Variants in PARP1 observed in about 807,000 individuals in gnomAD.
The protein encoded by PARP1 is poly(ADP-ribose) polymerase 1.
Under a neutral mutation model 118.7 loss-of-function variants are expected in PARP1, and 44 were observed. That is an observed-to-expected ratio of 0.37 (90% confidence interval 0.29 to 0.48). PARP1 has a LOEUF of 0.48. Ranked by LOEUF, PARP1 falls within the 20% of genes least tolerant of loss-of-function variation. The pLI, the probability that PARP1 is intolerant of heterozygous loss-of-function variation, is 0.99. For synonymous variants in PARP1, 492 were observed against 483.2 expected, an observed-to-expected ratio of 1.02 and a Z score of -0.24; for missense variants, 1,100 against 1,272.4, an observed-to-expected ratio of 0.86 and a Z score of 2.06.
intron 13 of PARP1, 108 bp from the exon 14 acceptor site, chr1:226,374,462 C>T: frequency 7.5e-7 from 1 of 1,334,692 alleles, no homozygotes; most frequent in Non-Finnish European, 1.1e-6. Flanking sequence ...AGAGTGCCAC[C>T]AGCAAAAAAA....
chr1:226,385,751 A>G, intron 6 of PARP1, 71 bp from the exon 7 acceptor site: 2 of 1,365,466 alleles, frequency 1.5e-6, no homozygotes, highest in South Asian at 2.3e-5. Flanking sequence ...CTAATGTGGG[A>G]TGGAGGAACT....
intron 8 of PARP1, 111 bp from the exon 9 acceptor site, chr1:226,381,319 T>C: frequency 8.0e-7 from 1 of 1,254,796 alleles, no homozygotes; most frequent in Non-Finnish European, 1.2e-6. Context: ...GAAAAGCCTA[T>C]GAAAATACAC....
chr1:226,361,087 A>T lies in PARP1; in HGVS notation c.*373T>A, dbSNP rs992929051. 2 of 270,688 alleles carry T rather than the reference A, an allele frequency of 7.4e-6. No individual in the cohort carries two copies. The highest frequency in any genetic ancestry group is 1.4e-5 in the Non-Finnish European group (2 of 141,170). The allele number at this position is 270,688 out of a possible 1,614,324, so 16.8% of individuals were successfully genotyped here. A position where few individuals can be genotyped will look rare whatever the true frequency, so the allele number is the denominator to read the frequency against. ...CAAAACTAAAGACGAACACTTAGAAAAAAGGGTGGAAGTGTATTTTTCCTT... is the reference window on the plus strand; with the variant it reads ...CAAAACTAAAGACGAACACTTAGAATAAAGGGTGGAAGTGTATTTTTCCTT... On this transcript the variant is annotated 3_prime_UTR_variant, in exon 23 of 23. Transcript: ENST00000366794.
chr1:226,385,511 G>T lies in PARP1; in HGVS notation c.1004C>A (p.Thr335Asn). 1 of 1,614,018 alleles carries T rather than the reference G, an allele frequency of 6.2e-7. No individual in the cohort carries two copies. Among genetic ancestry groups the T allele is most frequent in the Non-Finnish European group, 8.5e-7 (1 of 1,179,952 alleles). ...TQTPNRKEWV[T>N]PKEFREISYL... ...TCTTCCCCTACCCCTTACCTTTGGGGTTACCCACTCCTTCCGGTTGGGTGT... is the reference window on the plus strand; with the variant it reads ...TCTTCCCCTACCCCTTACCTTTGGGTTTACCCACTCCTTCCGGTTGGGTGT... The change falls in exon 7 of 23, where the codon ACC becomes AAC. Residue 335 changes from threonine to asparagine, a missense_variant. Coordinates refer to ENST00000366794, the MANE Select transcript of PARP1 (RefSeq NM_001618.4).
rs1284359366 is a variant in PARP1, at chr1:226,360,818, T to TAA, written c.*640_*641dup. ...AGTCAAGAATTTCAAATGCAACTTTTAATACTACATATTTCAAGAGCTCCC... is the reference window on the plus strand; with the variant it reads ...AGTCAAGAATTTCAAATGCAACTTTTAAAATACTACATATTTCAAGAGCTCCC... On this transcript the variant is annotated 3_prime_UTR_variant, in exon 23 of 23. Transcript: ENST00000366794. 2 of 228,330 alleles carry TAA rather than the reference T, an allele frequency of 8.8e-6. No individual in the cohort carries two copies. Among genetic ancestry groups the TAA allele is most frequent in the African/African-American group, 4.4e-5 (2 of 45,110 alleles). The allele number at this position is 228,330 out of a possible 1,614,324, so 14.1% of individuals were successfully genotyped here.
Position 226,370,491 on chromosome 1 carries a change from C to T in PARP1, c.2097G>A (p.Gly699=), listed in dbSNP as rs1363490569. The change falls in exon 15 of 23, where the codon GGG becomes GGA. Residue 699 remains glycine (G), a synonymous_variant. Transcript: ENST00000366794. The part of the protein sequence containing the change: ...YEIDLQKMPL[G]KLSKRQIQAA... ...CCTGGATCTGCCTTTTGCTCAGCTT[C>T]CCCAAGGGCATCTTCTGAAGGTCGA... is the stretch of plus-strand genomic sequence containing the variant. The T allele has an allele frequency of 6.2e-7, 1 of 1,613,962 alleles. No individual in the cohort carries two copies.
chr1:226,378,703 T>G (rs1176976159), intron 12 of PARP1, among the ~76,000 whole-genome samples: 1 of 151,872 alleles, frequency 6.6e-6, no homozygotes. Context: ...GGCATGGTGG[T>G]GCGCACCTAT....
At chr1:226,365,720 T>C (rs1396188360) in intron 18 of PARP1, among the ~76,000 whole-genome samples, 4 of 151,404 alleles carry the variant, frequency 2.6e-5, no homozygotes, top group South Asian at 2.1e-4. Flanking sequence ...CAGGCCGGGA[T>C]TGCACCACTG....
intron 3 of PARP1, among the ~76,000 whole-genome samples, chr1:226,391,590 A>G (rs1052494824): frequency 6.6e-6 from 1 of 152,194 alleles, no homozygotes; most frequent in African/African-American, 2.4e-5. Context: ...CAGCAATTCC[A>G]TGTTTTTCTT....
Position 226,364,029 on chromosome 1 carries a change from C to T in PARP1, c.2700G>A (p.Met900Ile), listed in dbSNP as rs1664204261. ...GGCAGTAGTTGGCACTCTTGGAGAC[C>T]ATGTCAGCGAAATAGATCCCTTTAC... ...MFGKGIYFAD[M>I]VSKSANYCHT... is the part of the protein sequence containing the mutation. The change falls in exon 20 of 23, where the codon ATG becomes ATA. Residue 900 changes from methionine (M) to isoleucine (I), a missense_variant. This residue lies in a region of PARP1 where 152 missense variants were observed against 240.6 expected (regional missense o/e 0.63). Transcript: ENST00000366794. The T allele has an allele frequency of 2.5e-6, 4 of 1,613,824 alleles. No individual in the cohort carries two copies. The highest frequency in any genetic ancestry group is 1.3e-5 in the African/African-American group (1 of 74,920).
At chr1:226,388,031 A>G (rs1664748612) in intron 5 of PARP1, among the ~76,000 whole-genome samples, 1 of 152,244 alleles carries the variant, frequency 6.6e-6, no homozygotes, top group African/African-American at 2.4e-5. Context: ...TTCTCAAGAG[A>G]GACCAACTGT....
intron 14 of PARP1, among the ~76,000 whole-genome samples, chr1:226,372,963 C>T (rs760076791): frequency 2.0e-5 from 3 of 152,262 alleles, no homozygotes; most frequent in Admixed American, 1.3e-4. Context: ...GATCACACAG[C>T]GATTTCAACA....
In PARP1 at chr1:226,385,648, G is replaced by A. The variant is rs200757349; in HGVS notation, c.867C>T (p.Phe289=). The change falls in exon 7 of 23, where the codon TTC becomes TTT. Residue 289 remains phenylalanine (F), a synonymous_variant. Coordinates refer to ENST00000366794, the MANE Select transcript of PARP1 (RefSeq NM_001618.4). Reference sequence around the variant, plus strand: ...ATTCCTCGCAGGGAAGGAGGGCACCGAACACCATGCCATCAGCTACTCGGT... The same window carrying A: ...ATTCCTCGCAGGGAAGGAGGGCACCAAACACCATGCCATCAGCTACTCGGT... The part of the protein sequence containing the change: ...ILDRVADGMV[F]GALLPCEECS... The A allele has an allele frequency of 7.4e-6, 12 of 1,614,132 alleles. No individual in the cohort carries two copies. The highest frequency in any genetic ancestry group is 6.7e-5 in the East Asian group (3 of 44,880).
intron 5 of PARP1, among the ~76,000 whole-genome samples, chr1:226,387,693 G>T (rs970317446): frequency 6.6e-6 from 1 of 152,168 alleles, no homozygotes; most frequent in African/African-American, 2.4e-5. Flanking sequence ...GGTGACCAAG[G>T]GGGGAGAGCC....
chr1:226,389,350 ACCTGCC>A (rs1279462775), intron 4 of PARP1, among the ~76,000 whole-genome samples: 2 of 152,190 alleles, frequency 1.3e-5, no homozygotes, highest in Non-Finnish European at 2.9e-5. Flanking sequence ...TGAGGCTATC[ACCTGCC>A]CCCAAAATAC....
rs754888448 is a variant in PARP1, at chr1:226,368,231, G to C, written c.2245C>G (p.Pro749Ala). The change falls in exon 16 of 23, where the codon CCT becomes GCT. Residue 749 changes from proline (P) to alanine (A), a missense_variant. By Grantham distance (27) the Pro-to-Ala change is conservative (BLOSUM62 -1). Coordinates refer to ENST00000366794, the MANE Select transcript of PARP1 (RefSeq NM_001618.4). ...LIPHDFGMKK[P>A]PLLNNADSVQ... ...CTGTCTGCATTGTTCAGGAGCGGAG[G>C]CTTCTTCATCCCAAAGTCGTGGGGG... 2.5e-6 allele frequency: 4 copies of C among 1,614,192 alleles called. No homozygotes were observed. The highest frequency in any genetic ancestry group is 1.1e-5 in the South Asian group (1 of 91,082).
chr1:226,399,542 C>T (rs1277371002), intron 2 of PARP1, among the ~76,000 whole-genome samples: 7 of 152,176 alleles, frequency 4.6e-5, no homozygotes, highest in Non-Finnish European at 1.0e-4. Flanking sequence ...CTAGGCAAAG[C>T]ACAGAGATTT....
In PARP1 at chr1:226,388,766, C is replaced by T; in HGVS notation, c.618-11G>A. ...TCGCCTTTTCTCTTTCTGAAGGAGACACAGGATATGAGAGACAGCCAGAGC... is the reference window on the plus strand; with the variant it reads ...TCGCCTTTTCTCTTTCTGAAGGAGATACAGGATATGAGAGACAGCCAGAGC... On this transcript the variant is annotated splice_polypyrimidine_tract_variant and intron_variant, in intron 4 of 22. Coordinates refer to ENST00000366794, the MANE Select transcript of PARP1 (RefSeq NM_001618.4). 2.5e-6 allele frequency: 4 copies of T among 1,602,838 alleles called. No homozygotes were observed. The highest frequency in any genetic ancestry group is 2.6e-6 in the Non-Finnish European group (3 of 1,169,806).
rs935848675 is a variant in PARP1, at chr1:226,360,917, G to C, written c.*543C>G. 3 of 225,926 alleles carry C rather than the reference G, an allele frequency of 1.3e-5. No homozygotes were observed. The highest frequency in any genetic ancestry group is 6.7e-5 in the African/African-American group (3 of 44,750). The allele number at this position is 225,926 out of a possible 1,614,324, so 14.0% of individuals were successfully genotyped here. ...AGAAATTGTTAGCGTTCCTTCCTTT[G>C]GTCTTCCCACACCCCTCACCACAAG... On this transcript the variant is annotated 3_prime_UTR_variant, in exon 23 of 23. Transcript: ENST00000366794.
Sources: gnomAD v4.1 joint callset for allele counts (sites outside exome capture counted in the v4.1 genomes callset) on GRCh38, gnomAD v4.1.1 for gene constraint, gnomAD v4.1.1 regional missense constraint, MANE v1.5 for transcripts, NCBI Gene and HGNC (gene_info 2026-07-23, HGNC 2026-07-21) for gene names.